Variants in JARID2 observed in about 807,000 individuals in gnomAD.
The protein encoded by JARID2 is jumonji and AT-rich interaction domain containing 2.
A neutral mutation model predicts 125.6 loss-of-function variants in JARID2; 21 were observed. The observed-to-expected ratio is 0.17, with a 90% CI of 0.12 to 0.24. JARID2 has a LOEUF of 0.24. JARID2 is among the 10% of genes least tolerant of loss of function. The probability of loss-of-function intolerance (pLI) is 1.00; values close to 1 mark genes in which losing one functional copy is unlikely to be tolerated. For synonymous variants in JARID2, 736 were observed against 661.6 expected (o/e 1.11, Z -1.73); for missense variants, 1,303 against 1,639.6 (o/e 0.79, Z 3.55).
chr6:15,303,026 G>A (rs1418821687), intron 1 of JARID2, among the ~76,000 whole-genome samples: 1 of 152,134 alleles, frequency 6.6e-6, no homozygotes, highest in Non-Finnish European at 1.5e-5. Context: ...ACCTGGCCCA[G>A]GTGGTTATTT....
intron 1 of JARID2, among the ~76,000 whole-genome samples, chr6:15,373,431 A>G (rs755639284): frequency 6.6e-6 from 1 of 152,208 alleles, no homozygotes; most frequent in African/African-American, 2.4e-5. Flanking sequence ...TTCTGGAGCA[A>G]CAGACATGAG....
Position 15,423,360 on chromosome 6 carries a change from G to A in JARID2, c.323+12995G>A, listed in dbSNP as rs1044627224. Among the ~76,000 whole-genome samples, 6 of 152,100 alleles carry A rather than the reference G, an allele frequency of 3.9e-5. No homozygotes were observed. In the South Asian group the frequency reaches 1.2e-3, roughly 32 times the overall value. The stretch of plus-strand genomic sequence containing the variant: ...GTCCAGCTCGTTTTTTGAGGTTGGG[G>A]ACAGGATAGTGGTTTTGGCTTTTGG... On this transcript the variant is annotated intron_variant, in intron 3 of 17. Coordinates refer to ENST00000341776, the MANE Select transcript of JARID2 (RefSeq NM_004973.4).
Position 15,508,438 on chromosome 6 carries a change from G to A in JARID2, c.2830G>A (p.Gly944Ser). The A allele has an allele frequency of 6.3e-7, 1 of 1,584,206 alleles. No homozygotes were observed. The highest frequency in any genetic ancestry group is 8.7e-7 in the Non-Finnish European group (1 of 1,152,716). Residue 944 changes from glycine (G) to serine (S), a missense_variant, in exon 12 of 18, where the codon GGT becomes AGT. This residue lies in a region of JARID2 where 190 missense variants were observed against 341.4 expected (regional missense o/e 0.56). Coordinates refer to ENST00000341776, the MANE Select transcript of JARID2 (RefSeq NM_004973.4). ...TCCATACATTGACTACTTACACACT[G>A]GTGCTGACTGCATTTGGTGAGTACT... ...HLPYIDYLHT[G>S]ADCIWYCIPA...
intron 16 of JARID2, among the ~76,000 whole-genome samples, chr6:15,513,866 C>A (rs912543395): frequency 6.6e-6 from 1 of 152,238 alleles, no homozygotes; most frequent in African/African-American, 2.4e-5. Context: ...TGGCTCTGTT[C>A]TTGGTTTCCT....
intron 1 of JARID2, among the ~76,000 whole-genome samples, chr6:15,286,345 C>T (rs1028276441): frequency 9.3e-5 from 14 of 150,198 alleles, no homozygotes; most frequent in East Asian, 2.0e-4. Flanking sequence ...CTCTGCTTCC[C>T]GGATTCAAAT....
At chr6:15,383,001 A>G (rs1356797127) in intron 2 of JARID2, among the ~76,000 whole-genome samples, 1 of 152,114 alleles carries the variant, frequency 6.6e-6, no homozygotes, top group African/African-American at 2.4e-5. Context: ...GTGTAGGGCT[A>G]TAGGGCGGAG....
intron 1 of JARID2, among the ~76,000 whole-genome samples, chr6:15,318,385 A>G (rs1422023203): frequency 6.6e-6 from 1 of 152,240 alleles, no homozygotes; most frequent in Non-Finnish European, 1.5e-5. Flanking sequence ...TGAGGCACAT[A>G]GTTGTCTACA....
chr6:15,428,899 C>T (rs1766843594), intron 3 of JARID2, among the ~76,000 whole-genome samples: 1 of 141,920 alleles, frequency 7.0e-6, no homozygotes. Flanking sequence ...CAGCGAGACT[C>T]TGTCTCAAAA....
In JARID2 at chr6:15,468,710, A is replaced by G. The variant is rs1768868140; in HGVS notation, c.662A>G (p.Asn221Ser). The G allele has an allele frequency of 1.2e-6, 2 of 1,612,268 alleles. No homozygotes were observed. The highest frequency in any genetic ancestry group is 2.2e-5 in the South Asian group (2 of 90,964). The change falls in exon 5 of 18, where the codon AAC (asparagine) becomes AGC (serine). Residue 221 changes from asparagine to serine, a missense_variant. This residue lies in a region of JARID2 where 651 missense variants were observed against 581.6 expected (regional missense o/e 1.12). Transcript: ENST00000341776. ...RKGKTHKHVHNGHVFNGSSRS... is the reference protein window; with the variant it reads ...RKGKTHKHVHSGHVFNGSSRS... Reference sequence around the variant, plus strand: ...GGAAAAACCCACAAACATGTTCACAACGGGCATGGTAGGTCCACCGTTGAA... The same window carrying G: ...GGAAAAACCCACAAACATGTTCACAGCGGGCATGGTAGGTCCACCGTTGAA...
At chr6:15,485,806 ACT>A (rs1769838142) in intron 5 of JARID2, among the ~76,000 whole-genome samples, 1 of 152,162 alleles carries the variant, frequency 6.6e-6, no homozygotes, top group African/African-American at 2.4e-5. Flanking sequence ...AATTTAAAGG[ACT>A]CTTAAAATTC....
chr6:15,275,874 T>C (rs1265017256), intron 1 of JARID2, among the ~76,000 whole-genome samples: 1 of 152,114 alleles, frequency 6.6e-6, no homozygotes, highest in Non-Finnish European at 1.5e-5. Context: ...CTGGTACTTT[T>C]TGTCTAATGG....
intron 1 of JARID2, among the ~76,000 whole-genome samples, chr6:15,341,174 A>G (rs894505803): frequency 2.0e-5 from 3 of 152,202 alleles, no homozygotes; most frequent in Non-Finnish European, 2.9e-5. Flanking sequence ...GATGTTTCCT[A>G]GCTGATGGAA....
chr6:15,430,687 C>A (rs567978955), intron 3 of JARID2, among the ~76,000 whole-genome samples: 1 of 152,236 alleles, frequency 6.6e-6, no homozygotes, highest in East Asian at 1.9e-4. Flanking sequence ...TCGCTTTTGT[C>A]AGTGCCTACT....
intron 1 of JARID2, among the ~76,000 whole-genome samples, chr6:15,359,666 C>T (rs959641474): frequency 1.3e-4 from 20 of 150,770 alleles, no homozygotes; most frequent in African/African-American, 4.9e-4. Context: ...ATAACCTCAG[C>T]GGGTATTAGA....
chr6:15,285,573 A>G (rs1038757599), intron 1 of JARID2, among the ~76,000 whole-genome samples: 2 of 152,176 alleles, frequency 1.3e-5, no homozygotes, highest in Non-Finnish European at 2.9e-5. Flanking sequence ...ACATATATAT[A>G]TATATAACAT....
At chr6:15,462,974 T>C (rs1231156636) in intron 4 of JARID2, among the ~76,000 whole-genome samples, 2 of 152,254 alleles carry the variant, frequency 1.3e-5, no homozygotes, top group Admixed American at 1.3e-4. Flanking sequence ...TCAGTAAATA[T>C]TGTGGAGACA....
Position 15,416,484 on chromosome 6 carries a change from G to A in JARID2, c.323+6119G>A, listed in dbSNP as rs927177310. Among the ~76,000 whole-genome samples, 119 of 152,296 alleles carry A rather than the reference G, an allele frequency of 7.8e-4. 1 individual carries two copies. The highest frequency in any genetic ancestry group is 1.5e-3 in the Non-Finnish European group (100 of 68,006). ...GCGGATCACTCGCGGTTAGGAGCTG[G>A]AGACCAGCCCGGCCAACACAGCGAA... is the stretch of plus-strand genomic sequence containing the variant. On this transcript the variant is annotated intron_variant, in intron 3 of 17. Transcript: ENST00000341776.
chr6:15,331,125 G>T (rs542422585), intron 1 of JARID2, among the ~76,000 whole-genome samples: 2 of 152,180 alleles, frequency 1.3e-5, no homozygotes, highest in South Asian at 4.1e-4. Context: ...GATCACTTGA[G>T]CCCAGGAGAC....
intron 3 of JARID2, among the ~76,000 whole-genome samples, chr6:15,437,810 A>G (rs528442122): frequency 2.2e-4 from 33 of 152,228 alleles, no homozygotes; most frequent in African/African-American, 7.5e-4. Context: ...CTCAAAAAAA[A>G]AAAGAAAGAA....
Sources: allele counts gnomAD v4.1 joint callset (sites outside exome capture counted in the v4.1 genomes callset), GRCh38; gene constraint gnomAD v4.1.1; regional missense constraint gnomAD v4.1.1; transcripts MANE v1.5; gene names NCBI Gene and HGNC (gene_info 2026-07-23, HGNC 2026-07-21).